Variants in VTI1A observed in about 807,000 individuals in gnomAD.
VTI1A encodes vesicle transport through interaction with t-SNAREs homolog 1A.
VTI1A carries 22 observed loss-of-function variants against 34.9 expected under a neutral mutation model. The ratio of observed to expected loss-of-function variants is 0.63; its 90% CI spans 0.45 to 0.90. The LOEUF (loss-of-function observed/expected upper bound fraction) is 0.90. VTI1A is among the 40% of genes least tolerant of loss of function. VTI1A has a pLI of 0.00. For missense variants in VTI1A, 268 were observed against 275.6 expected, an observed-to-expected ratio of 0.97 and a Z score of 0.20; for synonymous variants, 87 against 97.3, an observed-to-expected ratio of 0.89 and a Z score of 0.62.
chr10:112,699,897 G>A (rs538154521), intron 7 of VTI1A, among the ~76,000 whole-genome samples: 197 of 151,498 alleles, frequency 1.3e-3, no homozygotes, highest in Non-Finnish European at 1.6e-3. Flanking sequence ...AAGGCGGGTG[G>A]ATCACGAGGT....
At chr10:112,725,037 A>G (rs1315709154) in intron 7 of VTI1A, among the ~76,000 whole-genome samples, 1 of 152,234 alleles carries the variant, frequency 6.6e-6, no homozygotes, top group Non-Finnish European at 1.5e-5. Context: ...ATAACTTTTA[A>G]AAAACGTAAT....
chr10:112,462,838 C>T (rs1387309695), intron 2 of VTI1A, among the ~76,000 whole-genome samples: 1 of 152,120 alleles, frequency 6.6e-6, no homozygotes, highest in Admixed American at 6.5e-5. Flanking sequence ...TACATGGCAG[C>T]ATTTTTGCAT....
chr10:112,642,451 T>G (rs1374185276), intron 5 of VTI1A, among the ~76,000 whole-genome samples: 1 of 152,186 alleles, frequency 6.6e-6, no homozygotes, highest in South Asian at 2.1e-4. Context: ...TGTGAAGGAT[T>G]CATGGTTCAA....
At chr10:112,712,771 A>T (rs943219305) in intron 7 of VTI1A, among the ~76,000 whole-genome samples, 3 of 152,180 alleles carry the variant, frequency 2.0e-5, no homozygotes, top group Non-Finnish European at 1.5e-5. Context: ...TCTGTTGCCA[A>T]TGGAGACTGG....
At chr10:112,690,888 G>C (rs1562185) in intron 7 of VTI1A, among the ~76,000 whole-genome samples, 152,252 of 152,280 alleles carry the variant, frequency 1, 76,112 homozygotes, top group Non-Finnish European at 1. Flanking sequence ...TAAAACATAG[G>C]TCCTGCCCTA....
chr10:112,640,571 C>A (rs555209254), intron 5 of VTI1A, among the ~76,000 whole-genome samples: 14 of 151,990 alleles, frequency 9.2e-5, no homozygotes, highest in East Asian at 1.9e-4. Context: ...CAAAAAAAAA[C>A]CCCACTAGCT....
intron 5 of VTI1A, among the ~76,000 whole-genome samples, chr10:112,603,002 C>G (rs2134477698): frequency 6.6e-6 from 1 of 152,224 alleles, no homozygotes; most frequent in Admixed American, 6.5e-5. Context: ...ACCTAGTTAT[C>G]TGTGGTCAGA....
the VTI1A span, among the ~76,000 whole-genome samples, chr10:112,852,532 G>A: frequency 6.6e-6 from 1 of 152,278 alleles, no homozygotes; most frequent in African/African-American, 2.4e-5. Flanking sequence ...TCTGGACAGA[G>A]AAGTGAAGGC....
chr10:112,553,403 A>T (rs1292303261), intron 5 of VTI1A, among the ~76,000 whole-genome samples: 1 of 152,264 alleles, frequency 6.6e-6, no homozygotes, highest in African/African-American at 2.4e-5. Flanking sequence ...GATAAATGTG[A>T]TAAACTATAT....
intron 7 of VTI1A, among the ~76,000 whole-genome samples, chr10:112,780,112 T>TAAAAAAAA (rs773277515): frequency 1.2e-4 from 13 of 111,486 alleles, no homozygotes; most frequent in African/African-American, 4.0e-4. Context: ...CCTTGTCTCT[T>TAAAAAAAA]AAAAAAAAAA....
At chr10:112,743,436 C>A (rs1258199727) in intron 7 of VTI1A, among the ~76,000 whole-genome samples, 7 of 152,198 alleles carry the variant, frequency 4.6e-5, no homozygotes, top group Non-Finnish European at 8.8e-5. Flanking sequence ...GTGGCTGGGG[C>A]TGGCTGTGTA....
At chr10:112,741,190 T>G (rs2133976496) in intron 7 of VTI1A, among the ~76,000 whole-genome samples, 1 of 152,302 alleles carries the variant, frequency 6.6e-6, no homozygotes, top group South Asian at 2.1e-4. Context: ...GCACGGTGGC[T>G]CACGCCTGTA....
intron 7 of VTI1A, among the ~76,000 whole-genome samples, chr10:112,760,940 T>C (rs896008044): frequency 6.6e-6 from 1 of 151,874 alleles, no homozygotes; most frequent in Non-Finnish European, 1.5e-5. Context: ...AGATGTTCAT[T>C]GATGTATAAT....
intron 3 of VTI1A, among the ~76,000 whole-genome samples, chr10:112,465,620 A>G (rs774610824): frequency 5.3e-5 from 8 of 152,230 alleles, no homozygotes; most frequent in Non-Finnish European, 1.2e-4. Flanking sequence ...AAAGACAAAT[A>G]CTACATAATT....
At position 112,668,222 on chromosome 10, in the gene VTI1A, A is replaced by G. The variant is rs145533830; in HGVS notation, c.432A>G (p.Gln144=). ...CTCAAATTTTCTTTTCCGTAGAGCAAATTGGTCAGGAGATGTTGGAAAACC... is the reference window on the plus strand; with the variant it reads ...CTCAAATTTTCTTTTCCGTAGAGCAGATTGGTCAGGAGATGTTGGAAAACC... The part of the protein sequence containing the change: ...AGYQIAVETE[Q]IGQEMLENLS... Residue 144 remains glutamine, a synonymous_variant, in exon 6 of 8, where the codon CAA becomes CAG. Coordinates refer to ENST00000393077, the MANE Select transcript of VTI1A (RefSeq NM_145206.4). 4.4e-3 allele frequency: 7,034 copies of G among 1,612,358 alleles called. 25 individuals carry two copies. The highest frequency in any genetic ancestry group is 5.4e-3 in the Non-Finnish European group (6,398 of 1,178,862).
At chr10:112,518,579 C>A (rs868388230) in intron 3 of VTI1A, among the ~76,000 whole-genome samples, 439 of 96,374 alleles carry the variant, frequency 4.6e-3, no homozygotes, top group African/African-American at 0.011. Flanking sequence ...CTCTCTCTCT[C>A]TCTCTCTCTC....
At chr10:112,627,685 A>AAATTATTTATT (rs1845974979) in intron 5 of VTI1A, among the ~76,000 whole-genome samples, 4 of 152,172 alleles carry the variant, frequency 2.6e-5, no homozygotes, top group Non-Finnish European at 5.9e-5. Flanking sequence ...ATTTATAATG[A>AAATTATTTATT]GATTATTTAT....
intron 7 of VTI1A, among the ~76,000 whole-genome samples, chr10:112,807,246 G>T (rs1853119095): frequency 6.6e-6 from 1 of 152,172 alleles, no homozygotes; most frequent in South Asian, 2.1e-4. Flanking sequence ...CTGGATCCGA[G>T]CACTCAGTGT....
chr10:112,674,149 T>G (rs897951050), intron 7 of VTI1A, among the ~76,000 whole-genome samples: 1 of 152,204 alleles, frequency 6.6e-6, no homozygotes, highest in Non-Finnish European at 1.5e-5. Flanking sequence ...TCTCTTTTTC[T>G]TTTCTCTGTT....
Sources: allele counts gnomAD v4.1 joint callset (sites outside exome capture counted in the v4.1 genomes callset), GRCh38; gene constraint gnomAD v4.1.1; transcripts MANE v1.5; gene names NCBI Gene and HGNC (gene_info 2026-07-23, HGNC 2026-07-21).